The following UBE2E1 variants were observed in gnomAD, a reference collection of about 807,000 sequenced individuals.
UBE2E1 encodes ubiquitin conjugating enzyme E2 E1, also known as ubiquitin-conjugating enzyme E2 E1.
Under a neutral mutation model 21.4 loss-of-function variants are expected in UBE2E1, and 6 were observed. That is an observed-to-expected ratio of 0.28 (90% CI 0.15 to 0.55). UBE2E1 has a LOEUF of 0.55. Ranked by LOEUF, UBE2E1 falls within the 20% of genes least tolerant of loss-of-function variation. UBE2E1 has a pLI of 0.93. For missense variants in UBE2E1, 142 were observed against 236.5 expected (o/e 0.60, Z 2.62); for synonymous variants, 87 against 82.7 (o/e 1.05, Z -0.28).
chr3:23,812,834 G>A (rs1257923899), intron 3 of UBE2E1, among the ~76,000 whole-genome samples: 2 of 152,110 alleles, frequency 1.3e-5, no homozygotes, highest in Non-Finnish European at 2.9e-5. Flanking sequence ...CCCCAAGGTG[G>A]TTCTGTGCTG....
intron 3 of UBE2E1, among the ~76,000 whole-genome samples, chr3:23,873,281 C>T (rs1700842352): frequency 1.3e-5 from 2 of 152,216 alleles, no homozygotes; most frequent in African/African-American, 4.8e-5. Context: ...GGAGAACTGC[C>T]TAGTTTTTCC....
intron 3 of UBE2E1, among the ~76,000 whole-genome samples, chr3:23,879,765 T>C (rs7611018): frequency 0.19 from 29,029 of 152,202 alleles, 4,054 homozygotes; most frequent in African/African-American, 0.39. Flanking sequence ...GTTTCTAGCA[T>C]GCTTATCTTC....
chr3:23,848,915 C>T lies in UBE2E1; in HGVS notation c.203+37405C>T, dbSNP rs139676513. Among the ~76,000 whole-genome samples, 6 of 152,258 alleles carry T rather than the reference C, an allele frequency of 3.9e-5. No homozygotes were observed. The East Asian group carries it at 1.2e-3, about 29-fold the overall frequency. ...AGTGAGTGGCTTCTTTCACTTAGTA[C>T]AGTGTTCTCAAGGTTCATCCATGTT... On this transcript the variant is annotated intron_variant, in intron 3 of 5. Coordinates refer to ENST00000306627, the MANE Select transcript of UBE2E1 (RefSeq NM_003341.5).
At chr3:23,871,094 G>A (rs944390650) in intron 3 of UBE2E1, among the ~76,000 whole-genome samples, 20 of 151,848 alleles carry the variant, frequency 1.3e-4, no homozygotes, top group African/African-American at 4.9e-4. Context: ...CACAGACACG[G>A]CAACCATCCG....
intron 3 of UBE2E1, among the ~76,000 whole-genome samples, chr3:23,819,618 T>C (rs886759872): frequency 6.6e-6 from 1 of 152,200 alleles, no homozygotes; most frequent in African/African-American, 2.4e-5. Flanking sequence ...AGGTAAACAA[T>C]ACATATTTGT....
intron 3 of UBE2E1, among the ~76,000 whole-genome samples, chr3:23,875,849 T>G (rs1418166687): frequency 6.6e-6 from 1 of 152,262 alleles, no homozygotes; most frequent in Non-Finnish European, 1.5e-5. Flanking sequence ...CTCATCTCAC[T>G]GCAGCCTCCG....
chr3:23,817,266 AC>A (rs1186020274), intron 3 of UBE2E1, among the ~76,000 whole-genome samples: 1 of 152,134 alleles, frequency 6.6e-6, no homozygotes, highest in Non-Finnish European at 1.5e-5. Flanking sequence ...AACTAAAAAT[AC>A]AAAAATTAGC....
intron 3 of UBE2E1, among the ~76,000 whole-genome samples, chr3:23,828,935 G>A (rs939684887): frequency 1.3e-5 from 2 of 152,132 alleles, no homozygotes; most frequent in Admixed American, 6.5e-5. Flanking sequence ...AGTAACAGGG[G>A]TTTACTTTCA....
intron 3 of UBE2E1, among the ~76,000 whole-genome samples, chr3:23,886,442 T>C (rs1701185287): frequency 1.3e-5 from 2 of 152,230 alleles, no homozygotes; most frequent in East Asian, 3.8e-4. Flanking sequence ...CATTACCCGC[T>C]ATTCGGTTGC....
intron 3 of UBE2E1, among the ~76,000 whole-genome samples, chr3:23,883,000 T>C (rs143036696): frequency 0.014 from 2,123 of 152,282 alleles, 56 homozygotes; most frequent in African/African-American, 0.049. Context: ...AGCAGGGGGC[T>C]GAAGGGCTCC....
At chr3:23,848,533 C>T (rs1278093891) in intron 3 of UBE2E1, among the ~76,000 whole-genome samples, 3 of 151,832 alleles carry the variant, frequency 2.0e-5, no homozygotes, top group Non-Finnish European at 4.4e-5. Flanking sequence ...TGTTAGTTTC[C>T]ATCACGTTCT....
Position 23,876,735 on chromosome 3 carries a change from A to C in UBE2E1, c.204-10832A>C, listed in dbSNP as rs1700922472. ...TGTAGACAAGGGAGGAGGGAGCTAAATAATATTAATGGTAATTTAAATCTA... is the reference window on the plus strand; with the variant it reads ...TGTAGACAAGGGAGGAGGGAGCTAACTAATATTAATGGTAATTTAAATCTA... On this transcript the variant is annotated intron_variant, in intron 3 of 5. Coordinates refer to ENST00000306627, the MANE Select transcript of UBE2E1 (RefSeq NM_003341.5). This position sits in a 1 kb window ranked among gnomAD's most constrained non-coding sequence, Gnocchi z 4.3. Among the ~76,000 whole-genome samples the C allele has an allele frequency of 6.6e-6, 1 of 152,204 alleles. No individual in the cohort carries two copies. The highest frequency in any genetic ancestry group is 1.5e-5 in the Non-Finnish European group (1 of 68,038).
chr3:23,875,308 A>G (rs1204944063), intron 3 of UBE2E1, among the ~76,000 whole-genome samples: 1 of 152,208 alleles, frequency 6.6e-6, no homozygotes, highest in East Asian at 1.9e-4. Flanking sequence ...TTGATCATCT[A>G]ATTAAATATT....
At chr3:23,874,642 C>T (rs1011024866) in intron 3 of UBE2E1, among the ~76,000 whole-genome samples, 10 of 152,100 alleles carry the variant, frequency 6.6e-5, no homozygotes, top group African/African-American at 2.2e-4. Context: ...TGTCCTGACT[C>T]GTTTTTTCTA....
intron 3 of UBE2E1, among the ~76,000 whole-genome samples, chr3:23,862,515 A>G (rs545977740): frequency 1.4e-4 from 21 of 152,220 alleles, no homozygotes; most frequent in Middle Eastern, 3.2e-3. Flanking sequence ...GCAATGAACT[A>G]TATGTCCCTG....
At chr3:23,833,783 G>A (rs1699917470) in intron 3 of UBE2E1, among the ~76,000 whole-genome samples, 1 of 152,144 alleles carries the variant, frequency 6.6e-6, no homozygotes, top group Admixed American at 6.5e-5. Context: ...GATTTCTTGG[G>A]GCTAGAAGTT....
chr3:23,872,832 C>T (rs902196838), intron 3 of UBE2E1, among the ~76,000 whole-genome samples: 4 of 152,140 alleles, frequency 2.6e-5, no homozygotes, highest in African/African-American at 9.7e-5. Flanking sequence ...TCCTGGCTAA[C>T]ATGGTGACAC....
intron 3 of UBE2E1, among the ~76,000 whole-genome samples, chr3:23,843,907 T>A (rs2125302391): frequency 6.6e-6 from 1 of 152,398 alleles, no homozygotes; most frequent in South Asian, 2.1e-4. Context: ...ATCTCTTTAA[T>A]GTATTTTTTT....
intron 3 of UBE2E1, among the ~76,000 whole-genome samples, chr3:23,883,289 C>T (rs1206686888): frequency 6.6e-6 from 1 of 152,140 alleles, no homozygotes; most frequent in Non-Finnish European, 1.5e-5. Flanking sequence ...AAAGGGTGTA[C>T]TTAGGTGACC....
Sources: allele counts gnomAD v4.1 joint callset (sites outside exome capture counted in the v4.1 genomes callset), GRCh38; gene constraint gnomAD v4.1.1; non-coding constraint Gnocchi (gnomAD v3.1); transcripts MANE v1.5; gene names NCBI Gene and HGNC (gene_info 2026-07-23, HGNC 2026-07-21).